RGS12: variants seen among roughly 807,000 people sequenced by gnomAD.
RGS12 encodes the protein regulator of G-protein signaling 12.
RGS12 carries 66 observed loss-of-function variants against 120.1 expected under a neutral mutation model. The ratio of observed to expected loss-of-function variants is 0.55; its 90% confidence interval spans 0.45 to 0.67. The LOEUF is 0.67. Among genes scored for constraint, RGS12 ranks in the 30% least tolerant of loss-of-function variants. The pLI is 0.00. For missense variants in RGS12, 1,859 were observed against 1,957.7 expected (o/e 0.95, Z 0.95); for synonymous variants, 827 against 804.7 (o/e 1.03, Z -0.47).
chr4:3,356,808 G>A lies in RGS12; in HGVS notation c.1998+13755G>A, dbSNP rs141218719. Among the ~76,000 whole-genome samples, 5 of 152,222 alleles carry A rather than the reference G, an allele frequency of 3.3e-5. No individual in the cohort carries two copies. The East Asian group carries it at 9.6e-4, about 29-fold the overall frequency. On this transcript the variant is annotated intron_variant, in intron 3 of 17. Coordinates refer to ENST00000336727, the MANE Select transcript of RGS12 (RefSeq NM_001394154.1). ...TCTGTTCACCTGTTGATAGACACTT[G>A]TGTTGCTTCCGTGTTTTAGCTATTG...
chr4:3,363,139 G>A (rs534766246), intron 3 of RGS12, among the ~76,000 whole-genome samples: 2 of 151,718 alleles, frequency 1.3e-5, no homozygotes, highest in African/African-American at 2.4e-5. Flanking sequence ...GAGTGTGGGG[G>A]TGTGTGTGCG....
chr4:3,407,156 C>T (rs779550036), intron 4 of RGS12, among the ~76,000 whole-genome samples: 13 of 152,162 alleles, frequency 8.5e-5, no homozygotes, highest in South Asian at 4.1e-4. Flanking sequence ...GTTGGGAGGC[C>T]GGGGTTCCAT....
At chr4:3,309,065 AGG>A in intron 1 of RGS12, among the ~76,000 whole-genome samples, 1 of 124,896 alleles carries the variant, frequency 8.0e-6, no homozygotes, top group African/African-American at 3.2e-5. Flanking sequence ...TGAGCAGGAG[AGG>A]AGCTGGGACT....
intron 1 of RGS12, among the ~76,000 whole-genome samples, chr4:3,296,120 C>G (rs933567188): frequency 1.3e-5 from 2 of 152,120 alleles, no homozygotes; most frequent in African/African-American, 4.8e-5. Flanking sequence ...TGGGGGCTGG[C>G]CTCATTCCTT....
At chr4:3,357,633 T>C (rs973942423) in intron 3 of RGS12, among the ~76,000 whole-genome samples, 10 of 152,180 alleles carry the variant, frequency 6.6e-5, no homozygotes, top group Admixed American at 2.6e-4. Flanking sequence ...CCTTTCCCCA[T>C]TGAATGGTCT....
chr4:3,414,629 T>C (rs944104961), intron 5 of RGS12, 123 bp from the exon 6 acceptor site: 1 of 727,724 alleles, frequency 1.4e-6, no homozygotes, highest in Non-Finnish European at 2.4e-6. Context: ...ATGAGGTTTC[T>C]CTCTCCAGGC....
chr4:3,414,329 C>T (rs1309250829), intron 5 of RGS12, 88 bp downstream of exon 5: 22 of 1,386,890 alleles, frequency 1.6e-5, no homozygotes, highest in Middle Eastern at 2.3e-4. Context: ...CTAGAGACAG[C>T]GGCACCCTGC....
chr4:3,370,864 T>A (rs997742447), intron 3 of RGS12, among the ~76,000 whole-genome samples: 1 of 152,194 alleles, frequency 6.6e-6, no homozygotes, highest in Non-Finnish European at 1.5e-5. Context: ...TTTAAAAGAT[T>A]TGAGATGAAA....
chr4:3,317,651 G>A lies in RGS12; in HGVS notation c.1481G>A (p.Arg494Lys). The change falls in exon 2 of 18, where the codon AGG (arginine) becomes AAG (lysine). Residue 494 changes from arginine to lysine, a missense_variant. Transcript: ENST00000336727. Reference sequence around the variant, plus strand: ...TTTGAGGCCGCTCATCAGACTGACAGGTTCTGGGACCTAAACAAGCACCTA... The same window carrying A: ...TTTGAGGCCGCTCATCAGACTGACAAGTTCTGGGACCTAAACAAGCACCTA... ...PPFEAAHQTD[R>K]FWDLNKHLGP... 2.5e-6 allele frequency: 4 copies of A among 1,598,100 alleles called. No homozygotes were observed. Among genetic ancestry groups the A allele is most frequent in the South Asian group, 1.1e-5 (1 of 89,922 alleles).
chr4:3,356,548 A>G (rs1714917584), intron 3 of RGS12, among the ~76,000 whole-genome samples: 1 of 150,018 alleles, frequency 6.7e-6, no homozygotes, highest in South Asian at 2.1e-4. Context: ...CCCACCCCCA[A>G]CCCCTGGCAG....
At chr4:3,356,967 G>T (rs917005366) in intron 3 of RGS12, among the ~76,000 whole-genome samples, 2 of 152,100 alleles carry the variant, frequency 1.3e-5, no homozygotes, top group African/African-American at 4.8e-5. Flanking sequence ...AGGAACCACC[G>T]TACTGTTTTC....
intron 4 of RGS12, among the ~76,000 whole-genome samples, chr4:3,391,490 C>T (rs942824393): frequency 2.6e-5 from 4 of 152,212 alleles, no homozygotes; most frequent in African/African-American, 9.6e-5. Context: ...AGAATTGACT[C>T]AGGGCTGGGG....
chr4:3,366,542 G>T lies in RGS12; in HGVS notation c.1999-19874G>T, dbSNP rs1043777852. On this transcript the variant is annotated intron_variant, in intron 3 of 17. Coordinates refer to ENST00000336727, the MANE Select transcript of RGS12 (RefSeq NM_001394154.1). This position sits in a 1 kb window ranked among gnomAD's most constrained non-coding sequence, Gnocchi z 4.0. ...GAGTGAGGTGGTCCGGCCCCGTGAAGGAGGCAGCAGGGCTTGCGGCCGGGA... is the reference window on the plus strand; with the variant it reads ...GAGTGAGGTGGTCCGGCCCCGTGAATGAGGCAGCAGGGCTTGCGGCCGGGA... 1.3e-5 allele frequency among the ~76,000 whole-genome samples: 2 copies of T among 152,200 alleles called. No individual in the cohort carries two copies. Among genetic ancestry groups the T allele is most frequent in the African/African-American group, 4.8e-5 (2 of 41,446 alleles).
Position 3,428,130 on chromosome 4 carries a change from C to T in RGS12, c.3372C>T (p.Asn1124=). 2 of 1,613,700 alleles carry T rather than the reference C, an allele frequency of 1.2e-6. No homozygotes were observed. The highest frequency in any genetic ancestry group is 1.7e-6 in the Non-Finnish European group (2 of 1,179,808). Residue 1124 remains asparagine (N), a synonymous_variant, in exon 15 of 18, where the codon AAC becomes AAT. Transcript: ENST00000336727. ...DKQKGVPVKQ[N]TAVNSSSRNH... ...AGAAAGGTGTGCCAGTGAAACAGAA[C>T]ACAGCTGTAAATTCCAGCTCCAGAA...
At chr4:3,428,248 C>T in intron 15 of RGS12, 79 bp downstream of exon 15, 2 of 1,273,974 alleles carry the variant, frequency 1.6e-6, no homozygotes, top group Non-Finnish European at 2.3e-6. Context: ...TGCCCTGGTG[C>T]TTCCTTACCG....
intron 3 of RGS12, among the ~76,000 whole-genome samples, chr4:3,362,211 G>A (rs2108844990): frequency 6.6e-6 from 1 of 152,286 alleles, no homozygotes; most frequent in East Asian, 1.9e-4. Flanking sequence ...ATGGGGTGTG[G>A]GTGGGGTTCC....
chr4:3,437,711 T>C (rs928129455), intron 17 of RGS12, among the ~76,000 whole-genome samples: 8 of 152,156 alleles, frequency 5.3e-5, no homozygotes, highest in African/African-American at 1.7e-4. Context: ...GGCCTCCAGA[T>C]GGCATCTCCA....
intron 3 of RGS12, among the ~76,000 whole-genome samples, chr4:3,347,061 T>C (rs1364125230): frequency 6.6e-6 from 1 of 151,964 alleles, no homozygotes; most frequent in African/African-American, 2.4e-5. Flanking sequence ...TTTGGAGGGA[T>C]CGAGTAGGGA....
intron 3 of RGS12, among the ~76,000 whole-genome samples, chr4:3,364,153 G>A (rs1716038590): frequency 6.6e-6 from 1 of 152,236 alleles, no homozygotes; most frequent in Non-Finnish European, 1.5e-5. Context: ...GTAACTGTTT[G>A]TAAGGGTTGC....
Sources: gnomAD v4.1 joint callset for allele counts (sites outside exome capture counted in the v4.1 genomes callset) on GRCh38, gnomAD v4.1.1 for gene constraint, Gnocchi (gnomAD v3.1) non-coding constraint, MANE v1.5 for transcripts, NCBI Gene and HGNC (gene_info 2026-07-23, HGNC 2026-07-21) for gene names.